The following TUT1 variants were observed in gnomAD, a reference collection of about 807,000 sequenced individuals.
TUT1 encodes speckle targeted PIP5K1A-regulated poly(A) polymerase.
Under a neutral mutation model 48.8 loss-of-function variants are expected in TUT1, and 26 were observed. The ratio of observed to expected loss-of-function variants is 0.53; its 90% confidence interval spans 0.39 to 0.74. The LOEUF (loss-of-function observed/expected upper bound fraction) is 0.74. Among genes scored for constraint, TUT1 ranks in the 30% least tolerant of loss-of-function variants. TUT1 has a pLI of 0.00. For missense variants in TUT1, 1,065 were observed against 1,114.8 expected, an observed-to-expected ratio of 0.96 and a Z score of 0.64; for synonymous variants, 470 against 460.8, an observed-to-expected ratio of 1.02 and a Z score of -0.26.
Position 62,582,505 on chromosome 11 carries a change from A to G in TUT1, c.274-804T>C, listed in dbSNP as rs930672158. ...CAATTACTTGGGAGGCTATGATAAG[A>G]GCATCACTTGGGCCCAGGATGTTGA... On this transcript the variant is annotated intron_variant, in intron 2 of 8. Transcript: ENST00000476907. 5 of 427,456 alleles carry G rather than the reference A, an allele frequency of 1.2e-5. No individual in the cohort carries two copies. In the Admixed American group the frequency reaches 1.3e-4, roughly 11 times the overall value. The allele number at this position is 427,456 out of a possible 1,614,324, so 26.5% of individuals were successfully genotyped here.
chr11:62,575,179 G>A lies in TUT1; in HGVS notation c.2540C>T (p.Pro847Leu). 1.2e-6 allele frequency: 2 copies of A among 1,609,222 alleles called. No individual in the cohort carries two copies. Among genetic ancestry groups the A allele is most frequent in the Non-Finnish European group, 1.7e-6 (2 of 1,176,050 alleles). ...GAACAGGCCTTGGGGATCCTGGAGCGGGGTCACAGTGAGCATTCGGTCAGC... is the reference window on the plus strand; with the variant it reads ...GAACAGGCCTTGGGGATCCTGGAGCAGGGTCACAGTGAGCATTCGGTCAGC... ...SPADRMLTVTPLQDPQGLFPD... is the reference protein window; with the variant it reads ...SPADRMLTVTLLQDPQGLFPD... Residue 847 changes from proline to leucine, a missense_variant, in exon 9 of 9, where the codon CCG becomes CTG. Physicochemically the swap from Pro to Leu is moderately conservative, Grantham distance 98. Coordinates refer to ENST00000476907, the MANE Select transcript of TUT1 (RefSeq NM_022830.3).
In TUT1 at chr11:62,589,164, C is replaced by A; in HGVS notation, c.140G>T (p.Arg47Leu). ...AAGTCCCTGGGCCTTTCTCGCAGCT[C>A]GTAGTTCTACCAGGTGCCGGTGCTT... ...GRKHRHLVEL[R>L]AARKAQGLRS... The change falls in exon 2 of 9, where the codon CGA becomes CTA. Residue 47 changes from arginine (R) to leucine (L), a missense_variant. Coordinates refer to ENST00000476907, the MANE Select transcript of TUT1 (RefSeq NM_022830.3). 6.2e-7 allele frequency: 1 copy of A among 1,614,236 alleles called. No homozygotes were observed. The highest frequency in any genetic ancestry group is 8.5e-7 in the Non-Finnish European group (1 of 1,180,044).
rs769961821 is a variant in TUT1, at chr11:62,576,157, G to A, written c.1562C>T (p.Pro521Leu). 5.6e-6 allele frequency: 9 copies of A among 1,613,810 alleles called. No individual in the cohort carries two copies. The highest frequency in any genetic ancestry group is 7.6e-6 in the Non-Finnish European group (9 of 1,179,958). Residue 521 changes from proline to leucine, a missense_variant, in exon 9 of 9, where the codon CCT becomes CTT. Physicochemically the swap from Pro to Leu is moderately conservative, Grantham distance 98. Transcript: ENST00000476907. ...ATTAGAAGGCAGGCCCCCTGCCACA[G>A]GCAGTGCCTGACCCTCCCGCAGGGA... is the stretch of plus-strand genomic sequence containing the variant. ...LLSLREGQALPVAGGLPSNLW... is the reference protein window; with the variant it reads ...LLSLREGQALLVAGGLPSNLW...
chr11:62,578,438 G>C, intron 5 of TUT1, 123 bp downstream of exon 5: 1 of 898,870 alleles, frequency 1.1e-6, no homozygotes, highest in Non-Finnish European at 1.7e-6. Flanking sequence ...CCAGCTACTT[G>C]GGAGGCTGAG....
intron 2 of TUT1, chr11:62,582,391 G>C (rs1565267813): frequency 3.7e-6 from 1 of 268,466 alleles, no homozygotes; most frequent in East Asian, 1.1e-4. Context: ...CTGCACTCCA[G>C]TCTGGGTGAC....
chr11:62,576,768 TGA>T lies in TUT1; in HGVS notation c.1382-21_1382-20del. The T allele has an allele frequency of 1.2e-6, 2 of 1,613,342 alleles. No homozygotes were observed. The highest frequency in any genetic ancestry group is 1.7e-6 in the Non-Finnish European group (2 of 1,179,456). Reference sequence around the variant, plus strand: ...CCCTCTCCTGTGAAAGTAAATAAGGTGAGAGTCAGTCTGGAAGCAAGGAGATT... The same window carrying T: ...CCCTCTCCTGTGAAAGTAAATAAGGTGAGTCAGTCTGGAAGCAAGGAGATT... On this transcript the variant is annotated intron_variant, in intron 7 of 8. Coordinates refer to ENST00000476907, the MANE Select transcript of TUT1 (RefSeq NM_022830.3).
Position 62,576,984 on chromosome 11 carries a change from G to C in TUT1, c.1304C>G (p.Thr435Ser). 6.2e-7 allele frequency: 1 copy of C among 1,614,106 alleles called. No individual in the cohort carries two copies. Among genetic ancestry groups the C allele is most frequent in the Non-Finnish European group, 8.5e-7 (1 of 1,180,026 alleles). ...CTGAAGAAAATAGATCACCAGCAAG[G>C]TCAGGGCGTAGTTACTGAGAAGGGG... ...SGPLLSNYALTLLVIYFLQTR... is the reference protein window; with the variant it reads ...SGPLLSNYALSLLVIYFLQTR... Residue 435 changes from threonine to serine, a missense_variant, in exon 7 of 9, where the codon ACC (threonine) becomes AGC (serine). Coordinates refer to ENST00000476907, the MANE Select transcript of TUT1 (RefSeq NM_022830.3).
intron 8 of TUT1, 159 bp downstream of exon 8, chr11:62,576,498 C>T (rs1941730031): frequency 1.2e-6 from 1 of 819,104 alleles, no homozygotes; most frequent in African/African-American, 1.7e-5. Context: ...CTTAATTGCT[C>T]CCAAACATGG....
rs202002182 is a variant in TUT1, at chr11:62,587,092, CAAAAAAAAAAA to C, written c.273+1928_273+1938del. On this transcript the variant is annotated intron_variant, in intron 2 of 8. Coordinates refer to ENST00000476907, the MANE Select transcript of TUT1 (RefSeq NM_022830.3). ...ATTCTACCACAAAAAAACTCCCTCT[CAAAAAAAAAAA>C]AAAAAAAAGGAAAAAGAAAAGGCAT... Among the ~76,000 whole-genome samples the C allele has an allele frequency of 5.3e-4, 57 of 108,314 alleles. 1 individual carries two copies. In the East Asian group the frequency reaches 0.015, roughly 28 times the overall value. 71.1% of individuals were successfully genotyped at this position (108,314 alleles called of 152,430 possible). A position where few individuals can be genotyped will look rare whatever the true frequency, so the allele number is the denominator to read the frequency against.
intron 4 of TUT1, among the ~76,000 whole-genome samples, chr11:62,579,559 G>C (rs146799327): frequency 1.3e-5 from 2 of 151,932 alleles, no homozygotes; most frequent in African/African-American, 4.8e-5. Context: ...TAAAAATAAT[G>C]ATAAAACATT....
rs143679217 is a variant in TUT1 at position 62,578,348 on chromosome 11, C to G, written c.1160+213G>C. Among the ~76,000 whole-genome samples, 987 of 152,102 alleles carry G rather than the reference C, an allele frequency of 6.5e-3. 4 individuals carry two copies. The highest frequency in any genetic ancestry group is 0.011 in the Non-Finnish European group (731 of 67,974). ...ATCACCTGAGGTCGGGAGTTCAAGA[C>G]CAGCCTGACCAACATGGAGAAACCC... On this transcript the variant is annotated intron_variant, in intron 5 of 8. Transcript: ENST00000476907.
intron 2 of TUT1, chr11:62,582,555 T>C (rs758595926): frequency 6.9e-5 from 31 of 452,476 alleles, no homozygotes; most frequent in Non-Finnish European, 1.1e-4. Context: ...GTGATTGTGA[T>C]TGCACCACTA....
At position 62,575,751 on chromosome 11, in the gene TUT1, C is replaced by T; in HGVS notation, c.1968G>A (p.Gly656=). The change falls in exon 9 of 9, where the codon GGG becomes GGA. Residue 656 remains glycine, a synonymous_variant. Coordinates refer to ENST00000476907, the MANE Select transcript of TUT1 (RefSeq NM_022830.3). ...CATCTACTTTGAGTCTTTTGCTTGTCCCTCCCTGAGAGGACTCCCCAGTTC... is the reference window on the plus strand; with the variant it reads ...CATCTACTTTGAGTCTTTTGCTTGTTCCTCCCTGAGAGGACTCCCCAGTTC... ...GGGTGESSQG[G]TSKRLKVDGQ... 6.2e-7 allele frequency: 1 copy of T among 1,614,186 alleles called. No individual in the cohort carries two copies. Among genetic ancestry groups the T allele is most frequent in the Non-Finnish European group, 8.5e-7 (1 of 1,180,024 alleles).
intron 8 of TUT1, 33 bp downstream of exon 8, chr11:62,576,624 T>C: frequency 6.4e-7 from 1 of 1,569,564 alleles, no homozygotes. Context: ...ATGAACATCA[T>C]TACTAGTCCT....
chr11:62,575,910 C>CAGGGAGCTG lies in TUT1; in HGVS notation c.1800_1808dup (p.Ser601_Leu603dup), dbSNP rs1156462096. 2 of 1,614,034 alleles carry CAGGGAGCTG rather than the reference C, an allele frequency of 1.2e-6. No individual in the cohort carries two copies. The highest frequency in any genetic ancestry group is 4.5e-5 in the East Asian group (2 of 44,894). ...GTAAAGGGATCGGCGTAGCAGAGAG[C>CAGGGAGCTG]AGGGAGCTGGGGGAGCTGGGCTGCA... is the stretch of plus-strand genomic sequence containing the variant. On this transcript the variant is annotated inframe_insertion, in exon 9 of 9. Coordinates refer to ENST00000476907, the MANE Select transcript of TUT1 (RefSeq NM_022830.3).
At chr11:62,589,259 C>T in intron 1 of TUT1, 38 bp from the exon 2 acceptor site, 1 of 1,598,002 alleles carries the variant, frequency 6.3e-7, no homozygotes, top group Non-Finnish European at 8.6e-7. Flanking sequence ...ATGCAAAGCA[C>T]TCTTCGACGT....
At position 62,576,090 on chromosome 11, in the gene TUT1, G is replaced by A; in HGVS notation, c.1629C>T (p.Asp543=). The A allele has an allele frequency of 6.2e-7, 1 of 1,614,044 alleles. No homozygotes were observed. The highest frequency in any genetic ancestry group is 8.5e-7 in the Non-Finnish European group (1 of 1,180,040). Residue 543 remains aspartate, a synonymous_variant, in exon 9 of 9, where the codon GAC becomes GAT. Transcript: ENST00000476907. ...CGACATTGTGACTCAGGTCAAAAGG[G>A]TCCTGGAGATTCAGGGGGCCAAGGC... The part of the protein sequence containing the change: ...GLRLGPLNLQ[D]PFDLSHNVAA...
intron 2 of TUT1, among the ~76,000 whole-genome samples, chr11:62,582,914 G>T (rs1176855757): frequency 6.6e-6 from 1 of 151,998 alleles, no homozygotes; most frequent in Non-Finnish European, 1.5e-5. Context: ...GGATCACGAG[G>T]TCAGGAGATA....
intron 1 of TUT1, among the ~76,000 whole-genome samples, chr11:62,589,679 C>A (rs1337298520): frequency 2.0e-5 from 3 of 152,196 alleles, no homozygotes; most frequent in Non-Finnish European, 4.4e-5. Flanking sequence ...ATTTCTTAAA[C>A]CACCTATTTG....
Sources: gnomAD v4.1 joint callset for allele counts (sites outside exome capture counted in the v4.1 genomes callset) on GRCh38, gnomAD v4.1.1 for gene constraint, MANE v1.5 for transcripts, NCBI Gene and HGNC (gene_info 2026-07-23, HGNC 2026-07-21) for gene names.